Variants in RBFOX1 observed in about 807,000 individuals in gnomAD.
RBFOX1 encodes RNA binding fox-1 homolog 1, also known as RNA binding protein fox-1 homolog 1.
In RBFOX1, 8 loss-of-function variants were observed where a neutral mutation model predicts 57.7. The ratio of observed to expected loss-of-function variants is 0.14; its 90% CI spans 0.08 to 0.25. The LOEUF (loss-of-function observed/expected upper bound fraction) is 0.25, where lower values mean the gene tolerates loss of function less well. Ranked by LOEUF, RBFOX1 falls within the 10% of genes least tolerant of loss-of-function variation. The pLI is 1.00. For missense variants in RBFOX1, 611 were observed against 548.5 expected (o/e 1.11, Z -1.14); for synonymous variants, 326 against 222.4 (o/e 1.47, Z -4.15).
At chr16:5,495,742 C>T (rs1393167995) in intron 2 of RBFOX1, among the ~76,000 whole-genome samples, 2 of 152,230 alleles carry the variant, frequency 1.3e-5, no homozygotes, top group Non-Finnish European at 2.9e-5. Context: ...ATACCCATAT[C>T]TGGTATTAAT....
At chr16:7,467,636 A>G (rs1418931735) in intron 4 of RBFOX1, among the ~76,000 whole-genome samples, 1 of 152,224 alleles carries the variant, frequency 6.6e-6, no homozygotes, top group Non-Finnish European at 1.5e-5. Context: ...TGATAATAAG[A>G]GTGACCTTGC....
At chr16:6,831,820 G>A (rs2092728917) in intron 3 of RBFOX1, among the ~76,000 whole-genome samples, 1 of 152,150 alleles carries the variant, frequency 6.6e-6, no homozygotes, top group Admixed American at 6.5e-5. Flanking sequence ...AGCACTTGGG[G>A]AATTTTTATG....
chr16:5,529,642 C>G (rs1315111096), intron 2 of RBFOX1, among the ~76,000 whole-genome samples: 4 of 151,836 alleles, frequency 2.6e-5, no homozygotes, highest in Non-Finnish European at 5.9e-5. Flanking sequence ...TTTTGGCTCA[C>G]TGCAATCTCC....
At chr16:7,493,125 C>T (rs1014160429) in intron 4 of RBFOX1, among the ~76,000 whole-genome samples, 17 of 152,108 alleles carry the variant, frequency 1.1e-4, no homozygotes, top group South Asian at 2.1e-4. Flanking sequence ...GGGATTCGCC[C>T]GCCTCTGCCT....
intron 1 of RBFOX1, among the ~76,000 whole-genome samples, chr16:5,311,785 G>A (rs2064096684): frequency 6.6e-6 from 1 of 152,148 alleles, no homozygotes; most frequent in Admixed American, 6.5e-5. Context: ...CTCTTAGTAG[G>A]GAATAATTAC....
At chr16:6,761,469 C>A (rs965711010) in intron 3 of RBFOX1, among the ~76,000 whole-genome samples, 3 of 144,464 alleles carry the variant, frequency 2.1e-5, no homozygotes, top group Non-Finnish European at 3.0e-5. Context: ...AACATACACT[C>A]CAGGTAATAG....
chr16:7,053,799 AG>A (rs2050933991), intron 4 of RBFOX1, among the ~76,000 whole-genome samples: 2 of 152,198 alleles, frequency 1.3e-5, no homozygotes, highest in African/African-American at 2.4e-5. Flanking sequence ...TGGCTCCAAT[AG>A]CCCCATCTCT....
intron 3 of RBFOX1, among the ~76,000 whole-genome samples, chr16:7,011,933 C>T (rs539025463): frequency 9.2e-5 from 14 of 152,296 alleles, no homozygotes; most frequent in African/African-American, 2.9e-4. Flanking sequence ...GCACATTTCT[C>T]TCTGGAAATA....
intron 1 of RBFOX1, among the ~76,000 whole-genome samples, chr16:6,151,633 T>C (rs1170094393): frequency 6.6e-6 from 1 of 152,196 alleles, no homozygotes; most frequent in African/African-American, 2.4e-5. Context: ...ATTTAATAGA[T>C]TACAGCCCAA....
At chr16:5,324,012 A>G (rs1451924269) in intron 1 of RBFOX1, among the ~76,000 whole-genome samples, 1 of 152,190 alleles carries the variant, frequency 6.6e-6, no homozygotes, top group African/African-American at 2.4e-5. Context: ...TTTCCCCTAC[A>G]CTGTCTCAGA....
rs147932848 is a variant in RBFOX1, at chr16:7,535,046, T to C, written c.270+16657T>C. On this transcript the variant is annotated intron_variant, in intron 5 of 15. Transcript: ENST00000550418. ...GGACCTCTGATTATTATTCTGAGTA[T>C]AATAGGAGCATAACTAACATTGAAG... is the stretch of plus-strand genomic sequence containing the variant. 3.4e-3 allele frequency among the ~76,000 whole-genome samples: 517 copies of C among 152,342 alleles called. 2 individuals are homozygous for C. Among genetic ancestry groups the C allele is most frequent in the African/African-American group, 0.012 (507 of 41,584 alleles).
At position 6,908,144 on chromosome 16, in the gene RBFOX1, A is replaced by C. The variant is rs151143938; in HGVS notation, c.-15-143913A>C. ...CACATGTTTTGGAGGGAAACAATTC[A>C]GCTCCTAACAATCTACTTCTCTGCA... On this transcript the variant is annotated intron_variant, in intron 3 of 15. Coordinates refer to ENST00000550418, the MANE Select transcript of RBFOX1 (RefSeq NM_018723.4). Among the ~76,000 whole-genome samples, 136 of 151,798 alleles carry C rather than the reference A, an allele frequency of 9.0e-4. 2 individuals carry two copies. The Middle Eastern group carries it at 0.014, about 15-fold the overall frequency.
chr16:7,397,664 A>C (rs922876566), intron 4 of RBFOX1, among the ~76,000 whole-genome samples: 12 of 152,218 alleles, frequency 7.9e-5, no homozygotes, highest in Admixed American at 7.9e-4. Flanking sequence ...CACATGATTC[A>C]GAAGCAAAGT....
chr16:5,968,862 G>A (rs1365864004), intron 4 of RBFOX1, among the ~76,000 whole-genome samples: 2 of 151,906 alleles, frequency 1.3e-5, no homozygotes, highest in Non-Finnish European at 2.9e-5. Flanking sequence ...TTTAAAATGT[G>A]CTACGTACTC....
chr16:6,762,823 G>C (rs538585408), intron 3 of RBFOX1, among the ~76,000 whole-genome samples: 2 of 152,156 alleles, frequency 1.3e-5, no homozygotes, highest in Non-Finnish European at 2.9e-5. Context: ...TAAAAACCAG[G>C]TGTTACCAGA....
At chr16:5,911,708 T>C (rs1458853857) in intron 4 of RBFOX1, among the ~76,000 whole-genome samples, 1 of 152,170 alleles carries the variant, frequency 6.6e-6, no homozygotes, top group African/African-American at 2.4e-5. Context: ...AAGTCCAGGA[T>C]GAAGGCAGAT....
intron 4 of RBFOX1, among the ~76,000 whole-genome samples, chr16:7,148,407 T>C (rs1448031822): frequency 6.6e-6 from 1 of 152,212 alleles, no homozygotes; most frequent in Non-Finnish European, 1.5e-5. Context: ...CTCTTTTGAA[T>C]TTTCACCTCA....
chr16:6,270,606 A>T (rs1249429222), intron 1 of RBFOX1, among the ~76,000 whole-genome samples: 2 of 152,216 alleles, frequency 1.3e-5, no homozygotes, highest in East Asian at 1.9e-4. Context: ...TATAACTCAA[A>T]GGAGAAATGG....
At position 7,566,495 on chromosome 16, in the gene RBFOX1, T is replaced by C. The variant is rs2091716570; in HGVS notation, c.271-13282T>C. On this transcript the variant is annotated intron_variant, in intron 5 of 15. Coordinates refer to ENST00000550418, the MANE Select transcript of RBFOX1 (RefSeq NM_018723.4). ...AGAGTTTAGGATACGGAATTAGATATCCTAAGTTCAAACCTTCCATCTCCT... is the reference window on the plus strand; with the variant it reads ...AGAGTTTAGGATACGGAATTAGATACCCTAAGTTCAAACCTTCCATCTCCT... Among the ~76,000 whole-genome samples the C allele has an allele frequency of 2.0e-5, 3 of 152,170 alleles. No homozygotes were observed. In the South Asian group the frequency reaches 6.2e-4, roughly 31 times the overall value.
Sources: gnomAD v4.1 joint callset for allele counts (sites outside exome capture counted in the v4.1 genomes callset) on GRCh38, gnomAD v4.1.1 for gene constraint, MANE v1.5 for transcripts, NCBI Gene and HGNC (gene_info 2026-07-23, HGNC 2026-07-21) for gene names.